Variants in IREB2 observed in about 807,000 individuals in gnomAD.
The protein encoded by IREB2 is iron-responsive element-binding protein 2.
IREB2 carries 39 observed loss-of-function variants against 118.8 expected under a neutral mutation model. The ratio of observed to expected loss-of-function variants is 0.33; its 90% CI spans 0.25 to 0.43. The LOEUF is 0.43. IREB2 is among the 20% of genes least tolerant of loss of function. The pLI, the probability that IREB2 is intolerant of heterozygous loss-of-function variation, is 1.00. For missense variants in IREB2, 900 were observed against 1,147.3 expected, an observed-to-expected ratio of 0.78 and a Z score of 3.11; for synonymous variants, 372 against 392.2, an observed-to-expected ratio of 0.95 and a Z score of 0.61.
intron 2 of IREB2, among the ~76,000 whole-genome samples, chr15:78,448,297 A>G (rs1483549207): frequency 6.6e-6 from 1 of 152,056 alleles, no homozygotes; most frequent in East Asian, 1.9e-4. Flanking sequence ...GGTGCACGCC[A>G]CCACGCCCGG....
In IREB2 at chr15:78,493,904, T is replaced by A; in HGVS notation, c.2325-5T>A. 6.2e-7 allele frequency: 1 copy of A among 1,609,956 alleles called. No individual in the cohort carries two copies. Among genetic ancestry groups the A allele is most frequent in the South Asian group, 1.1e-5 (1 of 90,270 alleles). On this transcript the variant is annotated splice_polypyrimidine_tract_variant and splice_region_variant and intron_variant, in intron 18 of 21. Transcript: ENST00000258886. ...TGAAAACTGACTTTCATTACTTTCTTGTAGCCTTACCCCTCGTGAATTCAA... is the reference window on the plus strand; with the variant it reads ...TGAAAACTGACTTTCATTACTTTCTAGTAGCCTTACCCCTCGTGAATTCAA...
rs376637643 is a variant in IREB2, at chr15:78,488,680, A to G, written c.1985A>G (p.His662Arg). Reference protein sequence around the residue: ...TDPTGKNIYLHDIWPSREEVH... With the variant: ...TDPTGKNIYLRDIWPSREEVH... The stretch of plus-strand genomic sequence containing the variant: ...CCCACCGGCAAGAACATTTACCTGC[A>G]TGATATTTGGCCTAGTCGAGAAGAA... The change falls in exon 16 of 22, where the codon CAT becomes CGT. Residue 662 changes from histidine to arginine, a missense_variant. By Grantham distance (29) the His-to-Arg change is conservative (BLOSUM62 0). Coordinates refer to ENST00000258886, the MANE Select transcript of IREB2 (RefSeq NM_004136.4). 4 of 1,613,040 alleles carry G rather than the reference A, an allele frequency of 2.5e-6. No individual in the cohort carries two copies. Among genetic ancestry groups the G allele is most frequent in the Non-Finnish European group, 3.4e-6 (4 of 1,179,468 alleles).
At chr15:78,465,480 C>A in intron 4 of IREB2, 92 bp downstream of exon 4, 3 of 1,196,186 alleles carry the variant, frequency 2.5e-6, no homozygotes, top group Non-Finnish European at 3.5e-6. Flanking sequence ...TAATTTATGG[C>A]AGAGAAAAGT....
At chr15:78,495,734 A>G (rs951809597) in intron 20 of IREB2, among the ~76,000 whole-genome samples, 2 of 152,184 alleles carry the variant, frequency 1.3e-5, no homozygotes, top group Non-Finnish European at 2.9e-5. Flanking sequence ...AAGAACAAAA[A>G]TTGGTCCTCA....
intron 18 of IREB2, among the ~76,000 whole-genome samples, chr15:78,491,139 A>C (rs1007964612): frequency 1.3e-5 from 2 of 152,114 alleles, no homozygotes; most frequent in Non-Finnish European, 2.9e-5. Flanking sequence ...TGGAGTAAGG[A>C]ATTTAAATGT....
intron 20 of IREB2, among the ~76,000 whole-genome samples, chr15:78,495,682 T>G (rs2051827847): frequency 6.6e-6 from 1 of 152,126 alleles, no homozygotes; most frequent in South Asian, 2.1e-4. Flanking sequence ...TTATTTCTGC[T>G]ATAACAAAAA....
intron 11 of IREB2, among the ~76,000 whole-genome samples, chr15:78,484,273 T>C (rs1352679999): frequency 1.3e-5 from 2 of 152,176 alleles, no homozygotes; most frequent in Non-Finnish European, 2.9e-5. Flanking sequence ...CAGAAAGTGT[T>C]AAACTTGTAC....
At chr15:78,473,172 G>A in intron 7 of IREB2, 70 bp from the exon 8 acceptor site, 1 of 1,411,128 alleles carries the variant, frequency 7.1e-7, no homozygotes, top group Admixed American at 1.8e-5. Flanking sequence ...AACACCTAGA[G>A]ATTCAGATGT....
intron 2 of IREB2, among the ~76,000 whole-genome samples, chr15:78,449,802 A>C (rs1044121672): frequency 1.3e-5 from 2 of 150,574 alleles, no homozygotes; most frequent in Non-Finnish European, 3.0e-5. Flanking sequence ...AGACCTCAGC[A>C]TTTTTTTTTC....
At chr15:78,449,686 T>G (rs1294667120) in intron 2 of IREB2, among the ~76,000 whole-genome samples, 1 of 150,748 alleles carries the variant, frequency 6.6e-6, no homozygotes, top group African/African-American at 2.5e-5. Context: ...AGAGATACAC[T>G]GTGTTTTCTA....
intron 5 of IREB2, among the ~76,000 whole-genome samples, chr15:78,469,201 A>T (rs745821025): frequency 9.9e-5 from 15 of 152,174 alleles, no homozygotes; most frequent in Non-Finnish European, 2.1e-4. Flanking sequence ...GAAAGATGAG[A>T]GCATAACCTT....
In IREB2 at chr15:78,476,334, G is replaced by A. The variant is rs965871666; in HGVS notation, c.1170G>A (p.Val390=). The A allele has an allele frequency of 6.3e-7, 1 of 1,586,692 alleles. No homozygotes were observed. The part of the protein sequence containing the change: ...AILSFFPVDN[V]TLKHLEHTGF... The stretch of plus-strand genomic sequence containing the variant: ...TCAGCTTTTTCCCTGTTGACAATGT[G>A]ACATTAAAACATTTAGAACATACAG... Residue 390 remains valine (V), a synonymous_variant, in exon 9 of 22, where the codon GTG becomes GTA. Coordinates refer to ENST00000258886, the MANE Select transcript of IREB2 (RefSeq NM_004136.4).
chr15:78,494,759 G>T (rs1236246921), intron 20 of IREB2, among the ~76,000 whole-genome samples: 1 of 152,126 alleles, frequency 6.6e-6, no homozygotes, highest in Non-Finnish European at 1.5e-5. Context: ...TGTTTGTAGA[G>T]ATCGGATCTC....
intron 5 of IREB2, among the ~76,000 whole-genome samples, chr15:78,470,233 C>T (rs549616284): frequency 6.6e-6 from 1 of 152,296 alleles, no homozygotes; most frequent in East Asian, 1.9e-4. Flanking sequence ...TTTCTTGCAG[C>T]GGATAACCCA....
At chr15:78,471,096 C>T (rs1427916067) in intron 6 of IREB2, 1 of 152,440 alleles carries the variant, frequency 6.6e-6, no homozygotes, top group Non-Finnish European at 1.5e-5. Context: ...ACTGCAACCT[C>T]TGCCTCTTGG....
intron 2 of IREB2, among the ~76,000 whole-genome samples, chr15:78,456,034 A>G (rs2051099992): frequency 6.6e-6 from 1 of 151,986 alleles, no homozygotes; most frequent in Non-Finnish European, 1.5e-5. Context: ...CGAGTAATCT[A>G]AGAGAGGAAG....
chr15:78,487,768 T>C lies in IREB2; in HGVS notation c.1745T>C (p.Val582Ala). Reference sequence around the variant, plus strand: ...GTTGGCTATGGATGTTCAATTTGTGTGGGAAATACAGCACCCTTATCAGAC... The same window carrying C: ...GTTGGCTATGGATGTTCAATTTGTGCGGGAAATACAGCACCCTTATCAGAC... ...EIVGYGCSIC[V>A]GNTAPLSDAV... The change falls in exon 14 of 22, where the codon GTG (valine) becomes GCG (alanine). Residue 582 changes from valine to alanine, a missense_variant. Transcript: ENST00000258886. 6.2e-7 allele frequency: 1 copy of C among 1,609,598 alleles called. No homozygotes were observed. The highest frequency in any genetic ancestry group is 8.5e-7 in the Non-Finnish European group (1 of 1,176,206).
At position 78,476,183 on chromosome 15, in the gene IREB2, T is replaced by C. The variant is rs746707225; in HGVS notation, c.1024-5T>C. On this transcript the variant is annotated splice_polypyrimidine_tract_variant and splice_region_variant and intron_variant, in intron 8 of 21. Transcript: ENST00000258886. Reference sequence around the variant, plus strand: ...TGTATGTGTTTCTGTGTATTCCTTATATAGCACCTCAGGCAAGTAGGAGTG... The same window carrying C: ...TGTATGTGTTTCTGTGTATTCCTTACATAGCACCTCAGGCAAGTAGGAGTG... 5 of 1,578,116 alleles carry C rather than the reference T, an allele frequency of 3.2e-6. No individual in the cohort carries two copies. Among genetic ancestry groups the C allele is most frequent in the African/African-American group, 2.7e-5 (2 of 74,478 alleles).
chr15:78,439,238 A>G (rs774461655), intron 1 of IREB2, among the ~76,000 whole-genome samples: 1 of 151,580 alleles, frequency 6.6e-6, no homozygotes, highest in East Asian at 1.9e-4. Context: ...TGTTACTTTT[A>G]TTTTCAGTAC....
Sources: allele counts gnomAD v4.1 joint callset (sites outside exome capture counted in the v4.1 genomes callset), GRCh38; gene constraint gnomAD v4.1.1; transcripts MANE v1.5; gene names NCBI Gene and HGNC (gene_info 2026-07-23, HGNC 2026-07-21).